Variants in TMEM132B observed in about 807,000 individuals in gnomAD.
TMEM132B encodes transmembrane protein 132B.
Under a neutral mutation model 90.8 loss-of-function variants are expected in TMEM132B, and 18 were observed. That is an observed-to-expected ratio of 0.20 (90% CI 0.14 to 0.29). The LOEUF (loss-of-function observed/expected upper bound fraction) is 0.29. TMEM132B is among the 10% of genes least tolerant of loss of function. TMEM132B has a pLI of 1.00. For synonymous variants in TMEM132B, 504 were observed against 523.3 expected (o/e 0.96, Z 0.50); for missense variants, 1,096 against 1,326.8 (o/e 0.83, Z 2.70).
intron 1 of TMEM132B, among the ~76,000 whole-genome samples, chr12:125,334,735 G>A (rs1392594557): frequency 1.3e-5 from 2 of 152,204 alleles, no homozygotes; most frequent in Non-Finnish European, 2.9e-5. Flanking sequence ...AATGCTATAT[G>A]CAAATAGTGC....
chr12:125,426,884 A>G (rs1237491104), intron 3 of TMEM132B, among the ~76,000 whole-genome samples: 1 of 152,226 alleles, frequency 6.6e-6, no homozygotes, highest in Non-Finnish European at 1.5e-5. Context: ...CCATAGTCAT[A>G]GGACAAGAGA....
At chr12:125,494,682 C>T (rs1443719622) in intron 3 of TMEM132B, among the ~76,000 whole-genome samples, 13 of 140,174 alleles carry the variant, frequency 9.3e-5, no homozygotes, top group Admixed American at 8.6e-4. Context: ...TCCCTCCTCC[C>T]CTTCCTCCCT....
chr12:125,283,812 G>T (rs1435647417), intron 1 of TMEM132B, among the ~76,000 whole-genome samples: 1 of 152,258 alleles, frequency 6.6e-6, no homozygotes, highest in African/African-American at 2.4e-5. Context: ...TCCCTCTGGA[G>T]AGATACTAGG....
At chr12:125,354,043 C>T (rs1036127579) in intron 2 of TMEM132B, among the ~76,000 whole-genome samples, 4 of 152,194 alleles carry the variant, frequency 2.6e-5, no homozygotes, top group Admixed American at 1.3e-4. Flanking sequence ...TGTGAGTCTG[C>T]AGCCCTCCAG....
At chr12:125,576,570 C>A (rs917929233) in intron 4 of TMEM132B, among the ~76,000 whole-genome samples, 2 of 148,918 alleles carry the variant, frequency 1.3e-5, no homozygotes, top group Non-Finnish European at 3.0e-5. Context: ...AGCTTACAGT[C>A]TTTTACCACT....
chr12:125,308,858 C>A (rs1876058415), intron 1 of TMEM132B, among the ~76,000 whole-genome samples: 1 of 152,142 alleles, frequency 6.6e-6, no homozygotes, highest in Admixed American at 6.5e-5. Context: ...CAAATATGAT[C>A]ATGAATTTAA....
intron 4 of TMEM132B, among the ~76,000 whole-genome samples, chr12:125,582,118 G>A (rs1317904460): frequency 2.0e-5 from 3 of 151,998 alleles, no homozygotes; most frequent in African/African-American, 7.2e-5. Context: ...GCTATTATTT[G>A]CAGGTTTAAT....
chr12:125,206,464 C>T (rs1593041219), intron 1 of TMEM132B, among the ~76,000 whole-genome samples: 1 of 152,144 alleles, frequency 6.6e-6, no homozygotes, highest in African/African-American at 2.4e-5. Context: ...TCTTGAACTC[C>T]TGGTCTCAAG....
intron 3 of TMEM132B, among the ~76,000 whole-genome samples, chr12:125,480,371 TAAA>T (rs1420614487): frequency 2.6e-5 from 4 of 151,522 alleles, no homozygotes; most frequent in Admixed American, 1.3e-4. Context: ...GCAAGACTAA[TAAA>T]GAAGAAAAGA....
chr12:125,572,338 G>A (rs4765054), intron 4 of TMEM132B, among the ~76,000 whole-genome samples: 145,159 of 152,302 alleles, frequency 0.95, 69,229 homozygotes, highest in African/African-American at 0.99. Flanking sequence ...TGCCCTCATG[G>A]ATGAATTAAT....
intron 1 of TMEM132B, among the ~76,000 whole-genome samples, chr12:125,219,907 C>A (rs1186452120): frequency 6.6e-6 from 1 of 152,200 alleles, no homozygotes; most frequent in Non-Finnish European, 1.5e-5. Flanking sequence ...TGCTGAGGGA[C>A]CCCCTTTTAC....
chr12:125,416,234 G>C (rs114606202), intron 3 of TMEM132B, among the ~76,000 whole-genome samples: 1 of 151,936 alleles, frequency 6.6e-6, no homozygotes, highest in African/African-American at 2.4e-5. Context: ...CTGGCAGGTA[G>C]AAAGAACTCT....
intron 5 of TMEM132B, among the ~76,000 whole-genome samples, chr12:125,597,746 C>T (rs1485348098): frequency 6.6e-6 from 1 of 152,304 alleles, no homozygotes; most frequent in African/African-American, 2.4e-5. Flanking sequence ...TCATTCCCCT[C>T]CAGTGTCCTT....
chr12:125,228,907 T>G (rs1873747836), intron 1 of TMEM132B, among the ~76,000 whole-genome samples: 2 of 152,214 alleles, frequency 1.3e-5, no homozygotes, highest in Admixed American at 1.3e-4. Context: ...CTTCTTTGAC[T>G]AATTCTCTCC....
intron 1 of TMEM132B, among the ~76,000 whole-genome samples, chr12:125,225,562 G>A (rs571190430): frequency 6.6e-6 from 1 of 152,210 alleles, no homozygotes; most frequent in Admixed American, 6.5e-5. Flanking sequence ...CTATCGCAGT[G>A]GGCTGACTGC....
chr12:125,404,157 G>T (rs139146433), intron 2 of TMEM132B, among the ~76,000 whole-genome samples: 107 of 152,170 alleles, frequency 7.0e-4, no homozygotes, highest in African/African-American at 2.5e-3. Flanking sequence ...ATCTCTGGAC[G>T]TTTTCATGGA....
chr12:125,515,230 TCA>T (rs1467423932), intron 3 of TMEM132B, among the ~76,000 whole-genome samples: 2 of 149,268 alleles, frequency 1.3e-5, no homozygotes, highest in East Asian at 2.0e-4. Flanking sequence ...ACACATTCTC[TCA>T]CACACATGCA....
intron 1 of TMEM132B, among the ~76,000 whole-genome samples, chr12:125,304,466 G>C (rs1470717510): frequency 6.6e-6 from 1 of 151,968 alleles, no homozygotes; most frequent in Non-Finnish European, 1.5e-5. Context: ...ATTTTGCAAT[G>C]ACTTCATAAA....
chr12:125,624,155 G>T (rs1458175532), intron 5 of TMEM132B, among the ~76,000 whole-genome samples: 1 of 152,192 alleles, frequency 6.6e-6, no homozygotes, highest in African/African-American at 2.4e-5. Flanking sequence ...AATCATGGAG[G>T]CCAGATGAAC....
Sources: gnomAD v4.1 joint callset for allele counts (sites outside exome capture counted in the v4.1 genomes callset) on GRCh38, gnomAD v4.1.1 for gene constraint, MANE v1.5 for transcripts, NCBI Gene and HGNC (gene_info 2026-07-23, HGNC 2026-07-21) for gene names.